The following SMR3B variants were observed in gnomAD, a reference collection of about 807,000 sequenced individuals.
SMR3B encodes submaxillary gland androgen regulated protein 3B, also known as submaxillary gland androgen-regulated protein 3B.
For synonymous variants in SMR3B, 42 were observed against 36.1 expected, an observed-to-expected ratio of 1.16 and a Z score of -0.59; for missense variants, 114 against 99.9, an observed-to-expected ratio of 1.14 and a Z score of -0.60.
At chr4:70,384,327 T>G (rs1732617018) in intron 1 of SMR3B, among the ~76,000 whole-genome samples, 170 bp from the exon 2 acceptor site, 1 of 152,192 alleles carries the variant, frequency 6.6e-6, no homozygotes, top group Non-Finnish European at 1.5e-5. Context: ...TTTATAAGCC[T>G]ACTAATATTG....
intron 2 of SMR3B, among the ~76,000 whole-genome samples, chr4:70,386,702 G>C (rs1377637598): frequency 6.6e-6 from 1 of 152,162 alleles, no homozygotes; most frequent in African/African-American, 2.4e-5. Context: ...TTACTATGAA[G>C]ATTTTTCATT....
intron 1 of SMR3B, among the ~76,000 whole-genome samples, chr4:70,383,730 T>C (rs182552691): frequency 5.5e-4 from 84 of 152,280 alleles, no homozygotes; most frequent in Non-Finnish European, 5.0e-4. Flanking sequence ...ACACTCAACC[T>C]ATGTGCAGAG....
Position 70,389,948 on chromosome 4 carries a change from A to G in SMR3B, c.*100A>G, listed in dbSNP as rs187779954. 8.2e-5 allele frequency: 130 copies of G among 1,594,798 alleles called. No individual in the cohort carries two copies. The East Asian group carries it at 2.6e-3, about 32-fold the overall frequency. On this transcript the variant is annotated 3_prime_UTR_variant, in exon 3 of 3. Transcript: ENST00000304915. ...TCCATTTTTCCCTGTAAATTCTCCA[A>G]CTGATCCTACCCTCCCTACTCCTGC... is the stretch of plus-strand genomic sequence containing the variant.
chr4:70,389,841 A>T lies in SMR3B; in HGVS notation c.233A>T (p.Gln78Leu). The T allele has an allele frequency of 6.2e-7, 1 of 1,613,206 alleles. No homozygotes were observed. The highest frequency in any genetic ancestry group is 8.5e-7 in the Non-Finnish European group (1 of 1,179,652). ...GGGATATTTCCACCACCCCCTCCTC[A>T]ACCCTAAGGTCCACCACTCCATCCT... ...GPGIFPPPPP[Q>L]P Residue 78 changes from glutamine (Q) to leucine (L), a missense_variant, in exon 3 of 3, where the codon CAA becomes CTA. Gln to Leu is a moderately radical substitution (Grantham distance 113). Coordinates refer to ENST00000304915, the MANE Select transcript of SMR3B (RefSeq NM_006685.4).
intron 2 of SMR3B, among the ~76,000 whole-genome samples, chr4:70,387,078 G>T (rs542412290): frequency 1.3e-5 from 2 of 152,182 alleles, no homozygotes; most frequent in Non-Finnish European, 2.9e-5. Flanking sequence ...AATGAGAAGT[G>T]GAGTTGGCAA....
intron 1 of SMR3B, 77 bp from the exon 2 acceptor site, chr4:70,384,420 C>T: frequency 1.9e-6 from 3 of 1,593,832 alleles, no homozygotes; most frequent in Non-Finnish European, 2.6e-6. Flanking sequence ...TACATTATAT[C>T]CAAGTGTTGA....
Position 70,390,030 on chromosome 4 carries a change from C to T in SMR3B, c.*182C>T, listed in dbSNP as rs759863941. 1.7e-6 allele frequency: 2 copies of T among 1,192,746 alleles called. No individual in the cohort carries two copies. The highest frequency in any genetic ancestry group is 2.3e-5 in the East Asian group (1 of 42,996). The allele number at this position is 1,192,746 out of a possible 1,614,324, so 73.9% of individuals were successfully genotyped here. The stretch of plus-strand genomic sequence containing the variant: ...ACCACCACCACAAAAGACACCACTA[C>T]CCTTGTAACTACTGCTTCTACTACC... On this transcript the variant is annotated 3_prime_UTR_variant, in exon 3 of 3. Coordinates refer to ENST00000304915, the MANE Select transcript of SMR3B (RefSeq NM_006685.4).
intron 2 of SMR3B, 79 bp downstream of exon 2, chr4:70,384,643 A>T: frequency 6.4e-7 from 1 of 1,557,498 alleles, no homozygotes; most frequent in Admixed American, 1.9e-5. Flanking sequence ...TACATTAATG[A>T]TGTTACCTTT....
At chr4:70,385,480 T>G (rs1235414089) in intron 2 of SMR3B, among the ~76,000 whole-genome samples, 1 of 144,092 alleles carries the variant, frequency 6.9e-6, no homozygotes, top group East Asian at 2.1e-4. Flanking sequence ...CTCGGCTCAC[T>G]GCAAGCTCCG....
intron 2 of SMR3B, among the ~76,000 whole-genome samples, chr4:70,387,247 C>T (rs1732681818): frequency 6.6e-6 from 1 of 152,062 alleles, no homozygotes; most frequent in Non-Finnish European, 1.5e-5. Context: ...TTTAAACTTT[C>T]TGTATATTTT....
At chr4:70,388,229 C>T (rs1732699592) in intron 2 of SMR3B, among the ~76,000 whole-genome samples, 1 of 152,072 alleles carries the variant, frequency 6.6e-6, no homozygotes, top group Non-Finnish European at 1.5e-5. Flanking sequence ...GAACTGATCG[C>T]TTTAACTCCT....
At position 70,384,618 on chromosome 4, in the gene SMR3B, C is replaced by T. The variant is rs543058661; in HGVS notation, c.54+54C>T. ...CTTTATAGTTTCTCATTAACCATTA[C>T]TTCAGATTTCTTTTTACATTAATGA... On this transcript the variant is annotated intron_variant, in intron 2 of 2. Coordinates refer to ENST00000304915, the MANE Select transcript of SMR3B (RefSeq NM_006685.4). The T allele has an allele frequency of 2.0e-5, 31 of 1,534,976 alleles. No individual in the cohort carries two copies. The South Asian group carries it at 3.8e-4, about 19-fold the overall frequency.
chr4:70,389,599 C>A (rs1292922011), intron 2 of SMR3B, 64 bp from the exon 3 acceptor site: 3 of 1,506,438 alleles, frequency 2.0e-6, no homozygotes, highest in Non-Finnish European at 1.8e-6. Context: ...CCACAGAAAG[C>A]ATTCACCCTT....
chr4:70,389,765 C>A lies in SMR3B; in HGVS notation c.157C>A (p.Pro53Thr). Residue 53 changes from proline (P) to threonine (T), a missense_variant, in exon 3 of 3, where the codon CCC becomes ACC. Coordinates refer to ENST00000304915, the MANE Select transcript of SMR3B (RefSeq NM_006685.4). The part of the protein sequence containing the change: ...PGFVPPPPPP[P>T]YGPGRIPPPP... ...ATTTGTTCCACCACCTCCTCCTCCACCCTATGGTCCAGGGAGAATCCCACC... is the reference window on the plus strand; with the variant it reads ...ATTTGTTCCACCACCTCCTCCTCCAACCTATGGTCCAGGGAGAATCCCACC... 2 of 1,614,036 alleles carry A rather than the reference C, an allele frequency of 1.2e-6. No homozygotes were observed. Among genetic ancestry groups the A allele is most frequent in the Non-Finnish European group, 1.7e-6 (2 of 1,179,988 alleles).
At chr4:70,389,237 G>A (rs983846180) in intron 2 of SMR3B, among the ~76,000 whole-genome samples, 10 of 152,298 alleles carry the variant, frequency 6.6e-5, no homozygotes, top group Middle Eastern at 3.4e-3. Flanking sequence ...TGTGCCCACT[G>A]CTGTATTTCT....
chr4:70,383,684 A>G (rs115756876), intron 1 of SMR3B, among the ~76,000 whole-genome samples: 1,546 of 152,292 alleles, frequency 0.01, 26 homozygotes, highest in African/African-American at 0.035. Context: ...AATTTTGTCC[A>G]TAGGATTCTT....
intron 2 of SMR3B, among the ~76,000 whole-genome samples, chr4:70,385,519 T>C (rs530892600): frequency 3.7e-4 from 55 of 149,502 alleles, no homozygotes; most frequent in Non-Finnish European, 5.0e-4. Flanking sequence ...TTCTCCTGCC[T>C]CAGCCTCCGG....
At chr4:70,385,621 G>A (rs1732648869) in intron 2 of SMR3B, among the ~76,000 whole-genome samples, 1 of 150,324 alleles carries the variant, frequency 6.7e-6, no homozygotes, top group South Asian at 2.1e-4. Context: ...AGCCAGGATG[G>A]TCTCGATCTC....
intron 2 of SMR3B, among the ~76,000 whole-genome samples, chr4:70,387,184 C>A (rs1338818664): frequency 6.6e-6 from 1 of 152,006 alleles, no homozygotes; most frequent in Admixed American, 6.6e-5. Context: ...GAAACTGAAC[C>A]TTTTATAAGC....
Sources: gnomAD v4.1 joint callset for allele counts (sites outside exome capture counted in the v4.1 genomes callset) on GRCh38, gnomAD v4.1.1 for gene constraint, MANE v1.5 for transcripts, NCBI Gene and HGNC (gene_info 2026-07-23, HGNC 2026-07-21) for gene names.